The following TBC1D5 variants were observed in gnomAD, a reference collection of about 807,000 sequenced individuals.
The protein encoded by TBC1D5 is TBC1 domain family, member 5.
TBC1D5 carries 75 observed loss-of-function variants against 100.3 expected under a neutral mutation model. That is an observed-to-expected ratio of 0.75 (90% CI 0.62 to 0.91). The LOEUF (loss-of-function observed/expected upper bound fraction) is 0.91, where lower values mean the gene tolerates loss of function less well. Among genes scored for constraint, TBC1D5 ranks in the 40% least tolerant of loss-of-function variants. TBC1D5 has a pLI of 0.00. For missense variants in TBC1D5, 910 were observed against 942.4 expected (o/e 0.97, Z 0.45); for synonymous variants, 323 against 325.6 (o/e 0.99, Z 0.09).
intron 13 of TBC1D5, among the ~76,000 whole-genome samples, chr3:17,309,345 A>C (rs2150576975): frequency 6.6e-6 from 1 of 152,168 alleles, no homozygotes; most frequent in South Asian, 2.1e-4. Flanking sequence ...ATATTAATCA[A>C]TAGAATAATT....
At chr3:17,316,706 C>G (rs142232308) in intron 13 of TBC1D5, among the ~76,000 whole-genome samples, 1 of 152,334 alleles carries the variant, frequency 6.6e-6, no homozygotes, top group African/African-American at 2.4e-5. Flanking sequence ...CTGTGTGGCT[C>G]AGCTGGTCAA....
chr3:17,270,854 C>T (rs575949099), intron 15 of TBC1D5, among the ~76,000 whole-genome samples: 1 of 152,158 alleles, frequency 6.6e-6, no homozygotes, highest in Non-Finnish European at 1.5e-5. Context: ...TTTCCCAGCA[C>T]CACTTATTGA....
chr3:17,423,026 T>A (rs1336194163), intron 4 of TBC1D5, among the ~76,000 whole-genome samples: 2 of 152,168 alleles, frequency 1.3e-5, no homozygotes, highest in African/African-American at 2.4e-5. Context: ...TTTAATTTTT[T>A]AAAAACTTTT....
intron 2 of TBC1D5, among the ~76,000 whole-genome samples, chr3:17,583,363 C>T (rs528009852): frequency 3.3e-5 from 5 of 151,736 alleles, no homozygotes; most frequent in South Asian, 2.1e-4. Flanking sequence ...AGTCATTTAT[C>T]GGTATCATAA....
intron 1 of TBC1D5, among the ~76,000 whole-genome samples, chr3:17,692,544 T>C (rs2071328514): frequency 6.6e-6 from 1 of 151,988 alleles, no homozygotes; most frequent in Non-Finnish European, 1.5e-5. Context: ...ATAAAAGAGG[T>C]CTAAACAAAA....
intron 2 of TBC1D5, among the ~76,000 whole-genome samples, chr3:17,538,722 C>T (rs1348895455): frequency 1.3e-5 from 2 of 152,176 alleles, no homozygotes; most frequent in Non-Finnish European, 2.9e-5. Context: ...CAATTGGCAA[C>T]TTGTCAACAG....
intron 3 of TBC1D5, among the ~76,000 whole-genome samples, chr3:17,431,271 C>T (rs1400945834): frequency 6.6e-6 from 1 of 151,542 alleles, no homozygotes; most frequent in Non-Finnish European, 1.5e-5. Context: ...CATACAAATA[C>T]AGTATTAATG....
intron 3 of TBC1D5, among the ~76,000 whole-genome samples, chr3:17,458,452 T>C (rs1221928824): frequency 2.0e-5 from 3 of 152,176 alleles, no homozygotes; most frequent in Non-Finnish European, 4.4e-5. Context: ...GATGGGTTCA[T>C]AAACAAGCCT....
At chr3:17,486,913 G>A (rs1473419185) in intron 3 of TBC1D5, among the ~76,000 whole-genome samples, 1 of 152,164 alleles carries the variant, frequency 6.6e-6, no homozygotes, top group African/African-American at 2.4e-5. Flanking sequence ...CTCATGGGTG[G>A]CTTCTCTAGT....
intron 4 of TBC1D5, among the ~76,000 whole-genome samples, chr3:17,418,904 AC>A (rs927891477): frequency 1.3e-5 from 2 of 152,182 alleles, no homozygotes; most frequent in Non-Finnish European, 2.9e-5. Flanking sequence ...GTTTATACCA[AC>A]CACGGACTGA....
At chr3:17,737,460 C>A (rs1223656406) in intron 1 of TBC1D5, among the ~76,000 whole-genome samples, 2 of 152,190 alleles carry the variant, frequency 1.3e-5, no homozygotes, top group Non-Finnish European at 2.9e-5. Context: ...TTAAGAAATT[C>A]TCAACAGTGC....
chr3:17,229,285 G>A (rs1559452727), intron 17 of TBC1D5, among the ~76,000 whole-genome samples: 1 of 152,132 alleles, frequency 6.6e-6, no homozygotes, highest in African/African-American at 2.4e-5. Context: ...TTTGTTTCCT[G>A]CAGACTTGAG....
intron 13 of TBC1D5, among the ~76,000 whole-genome samples, chr3:17,319,733 G>A (rs2085154077): frequency 6.6e-6 from 1 of 152,086 alleles, no homozygotes; most frequent in Non-Finnish European, 1.5e-5. Flanking sequence ...AGCCGGGTGG[G>A]GTGGCGGGCA....
chr3:17,241,493 T>A (rs1205253317), intron 16 of TBC1D5, among the ~76,000 whole-genome samples: 1 of 152,192 alleles, frequency 6.6e-6, no homozygotes, highest in Non-Finnish European at 1.5e-5. Context: ...AAGTCTTTCA[T>A]TACTATTGTC....
rs533065819 is a variant in TBC1D5, at chr3:17,481,340, G to A, written c.97+27134C>T. Among the ~76,000 whole-genome samples, 56 of 152,304 alleles carry A rather than the reference G, an allele frequency of 3.7e-4. 1 individual carries two copies. The highest frequency in any genetic ancestry group is 1.1e-3 in the African/African-American group (45 of 41,572). On this transcript the variant is annotated intron_variant, in intron 3 of 21. Coordinates refer to ENST00000253692, the Ensembl canonical transcript of TBC1D5. ...GGCATGGGATTTGGGTGAGTAGCAC[G>A]AGCCAAGCACAGCCTGCCAAGCCAA... is the stretch of plus-strand genomic sequence containing the variant.
chr3:17,378,488 G>A (rs1230481160), intron 9 of TBC1D5, among the ~76,000 whole-genome samples: 9 of 151,908 alleles, frequency 5.9e-5, no homozygotes, highest in Admixed American at 3.3e-4. Flanking sequence ...TTTATTGACC[G>A]TTTTTACTTA....
chr3:17,545,302 C>T (rs1416725285), intron 2 of TBC1D5, among the ~76,000 whole-genome samples: 1 of 152,124 alleles, frequency 6.6e-6, no homozygotes, highest in Non-Finnish European at 1.5e-5. Context: ...GAGGGATGAC[C>T]ATGTGAAGAC....
At chr3:17,393,869 C>G in intron 8 of TBC1D5, among the ~76,000 whole-genome samples, 1 of 152,098 alleles carries the variant, frequency 6.6e-6, no homozygotes, top group Non-Finnish European at 1.5e-5. Flanking sequence ...ACCATAAAAA[C>G]CCTAGAAGAA....
At chr3:17,673,535 C>T (rs985531082) in intron 1 of TBC1D5, among the ~76,000 whole-genome samples, 1 of 151,206 alleles carries the variant, frequency 6.6e-6, no homozygotes, top group African/African-American at 2.4e-5. Flanking sequence ...AGCCTGGTCT[C>T]GATCGCATGG....
Sources: gnomAD v4.1 joint callset for allele counts (sites outside exome capture counted in the v4.1 genomes callset) on GRCh38, gnomAD v4.1.1 for gene constraint, MANE v1.5 for transcripts, NCBI Gene and HGNC (gene_info 2026-07-23, HGNC 2026-07-21) for gene names.